TMEM236: variants seen among roughly 807,000 people sequenced by gnomAD.
TMEM236 encodes family with sequence similarity 23, member A.
TMEM236 carries 11 observed loss-of-function variants against 14.7 expected under a neutral mutation model. The observed-to-expected ratio is 0.75, with a 90% CI of 0.47 to 1.24. The LOEUF is 1.24. Ranked by LOEUF, TMEM236 falls within the 50% of genes most tolerant of loss-of-function variation. The pLI, the probability that TMEM236 is intolerant of heterozygous loss-of-function variation, is 0.00. For missense variants in TMEM236, 464 were observed against 427.3 expected (o/e 1.09, Z -0.76); for synonymous variants, 182 against 168.6 (o/e 1.08, Z -0.62).
chr10:17,767,332 G>T (rs1426311240), intron 1 of TMEM236, among the ~76,000 whole-genome samples: 1 of 152,106 alleles, frequency 6.6e-6, no homozygotes, highest in Non-Finnish European at 1.5e-5. Flanking sequence ...GTGGTGGCAT[G>T]TGCCTGTGAT....
chr10:17,753,850 T>C (rs1289168429), intron 1 of TMEM236, among the ~76,000 whole-genome samples: 1 of 152,216 alleles, frequency 6.6e-6, no homozygotes, highest in African/African-American at 2.4e-5. Flanking sequence ...GTTAAACTAA[T>C]TTAGACTCCC....
intron 1 of TMEM236, 46 bp from the exon 2 acceptor site, chr10:17,771,263 C>T (rs782684201): frequency 9.6e-6 from 15 of 1,562,734 alleles, no homozygotes; most frequent in African/African-American, 2.7e-5. Flanking sequence ...GAGGAACTGT[C>T]GATCTTGTCC....
At chr10:17,795,571 T>G (rs1837998137) in intron 3 of TMEM236, among the ~76,000 whole-genome samples, 1 of 152,202 alleles carries the variant, frequency 6.6e-6, no homozygotes, top group African/African-American at 2.4e-5. Context: ...GTTTTTTCAA[T>G]GTGCTACTTC....
chr10:17,756,045 T>C (rs972401818), intron 1 of TMEM236, among the ~76,000 whole-genome samples: 4 of 152,148 alleles, frequency 2.6e-5, no homozygotes, highest in Non-Finnish European at 4.4e-5. Context: ...GGTGGGAGGA[T>C]TGATTGAAGC....
intron 1 of TMEM236, among the ~76,000 whole-genome samples, chr10:17,762,610 T>TAC (rs1564593403): frequency 2.5e-5 from 2 of 78,980 alleles, no homozygotes; most frequent in African/African-American, 1.7e-4. Context: ...TATATATATA[T>TAC]ATATATATAC....
At chr10:17,785,014 T>C (rs1837811069) in intron 3 of TMEM236, among the ~76,000 whole-genome samples, 1 of 152,188 alleles carries the variant, frequency 6.6e-6, no homozygotes, top group Non-Finnish European at 1.5e-5. Flanking sequence ...GTTGAAAAGA[T>C]AGAAGCGTTA....
chr10:17,775,159 T>C (rs1323908097), intron 2 of TMEM236, among the ~76,000 whole-genome samples: 1 of 152,212 alleles, frequency 6.6e-6, no homozygotes, highest in African/African-American at 2.4e-5. Context: ...AGGACAATGT[T>C]GAACAGAAGT....
Position 17,796,612 on chromosome 10 carries a change from G to C in TMEM236, c.*108G>C. On this transcript the variant is annotated 3_prime_UTR_variant, in exon 4 of 4. Coordinates refer to ENST00000377495, the MANE Select transcript of TMEM236 (RefSeq NM_001098844.3). ...GTTTGCACTATAAAGGAAATGACTAGATTGTAGAGAATAAGCCATTTTTAC... is the reference window on the plus strand; with the variant it reads ...GTTTGCACTATAAAGGAAATGACTACATTGTAGAGAATAAGCCATTTTTAC... 2 of 1,002,514 alleles carry C rather than the reference G, an allele frequency of 2.0e-6. No individual in the cohort carries two copies. The highest frequency in any genetic ancestry group is 3.0e-6 in the Non-Finnish European group (2 of 664,820). 62.1% of individuals were successfully genotyped at this position (1,002,514 alleles called of 1,614,324 possible). A position where few individuals can be genotyped will look rare whatever the true frequency, so the allele number is the denominator to read the frequency against.
In TMEM236 at chr10:17,796,283, C is replaced by T. The variant is rs1270327044; in HGVS notation, c.835C>T (p.Arg279Ter). 8.7e-6 allele frequency: 14 copies of T among 1,613,824 alleles called. No individual in the cohort carries two copies. The highest frequency in any genetic ancestry group is 2.7e-5 in the African/African-American group (2 of 74,900). Residue 279 changes from arginine to a stop codon, truncating the protein, a stop_gained, in exon 4 of 4, where the codon CGA becomes TGA. Coordinates refer to ENST00000377495, the MANE Select transcript of TMEM236 (RefSeq NM_001098844.3). LOFTEE classifies it low-confidence loss of function (END_TRUNC). ...VYIFSFISLL[R>*]ITFTPQNPLL... ...CATATTCAGTTTTATTTCTCTCCTT[C>T]GAATTACATTCACTCCCCAAAACCC... is the stretch of plus-strand genomic sequence containing the variant.
intron 1 of TMEM236, among the ~76,000 whole-genome samples, chr10:17,761,347 C>A (rs1274363335): frequency 1.3e-5 from 2 of 152,092 alleles, no homozygotes; most frequent in African/African-American, 2.4e-5. Context: ...CTTCTTTTCT[C>A]CCCCCTGCAT....
At chr10:17,774,944 T>C (rs1837635938) in intron 2 of TMEM236, among the ~76,000 whole-genome samples, 1 of 152,096 alleles carries the variant, frequency 6.6e-6, no homozygotes, top group African/African-American at 2.4e-5. Context: ...ACCACTGGCA[T>C]GTGCCACCAT....
chr10:17,783,346 C>T (rs1436036447), intron 3 of TMEM236, among the ~76,000 whole-genome samples: 1 of 152,024 alleles, frequency 6.6e-6, no homozygotes, highest in Non-Finnish European at 1.5e-5. Flanking sequence ...TAGGGAGAGC[C>T]GCATGGTCAG....
Position 17,752,557 on chromosome 10 carries a change from G to C in TMEM236, c.257+5G>C. On this transcript the variant is annotated splice_donor_5th_base_variant and intron_variant, in intron 1 of 3. Transcript: ENST00000377495. ...TTACAGAAAAATTAAAGGATGGTAA[G>C]TAAAAGAATTTTCTTTTTTTTCTTT... The C allele has an allele frequency of 1.1e-5, 18 of 1,613,054 alleles. No homozygotes were observed. Among genetic ancestry groups the C allele is most frequent in the Non-Finnish European group, 1.5e-5 (18 of 1,179,190 alleles).
At chr10:17,779,427 G>A (rs907785604) in intron 3 of TMEM236, among the ~76,000 whole-genome samples, 65 of 151,880 alleles carry the variant, frequency 4.3e-4, no homozygotes, top group African/African-American at 1.5e-3. Context: ...GTAAAGAAGA[G>A]GACTTTCATC....
rs1463028444 is a variant in TMEM236, at chr10:17,797,393, A to C, written c.*889A>C. 6.6e-6 allele frequency: 1 copy of C among 151,640 alleles called. No individual in the cohort carries two copies. The highest frequency in any genetic ancestry group is 1.5e-5 in the Non-Finnish European group (1 of 68,020). 9.4% of individuals were successfully genotyped at this position (151,640 alleles called of 1,614,324 possible). On this transcript the variant is annotated 3_prime_UTR_variant, in exon 4 of 4. Coordinates refer to ENST00000377495, the MANE Select transcript of TMEM236 (RefSeq NM_001098844.3). ...ACTGCAACCTGTATCTCCCGGGTTC[A>C]AGCGATTCTCCTGCCTCAGCCTCCC...
At chr10:17,795,894 A>C (rs1400440767) in intron 3 of TMEM236, 27 bp from the exon 4 acceptor site, 5 of 1,610,148 alleles carry the variant, frequency 3.1e-6, no homozygotes, top group Non-Finnish European at 3.4e-6. Context: ...TTAAAAACTA[A>C]AATGTAAATA....
intron 3 of TMEM236, among the ~76,000 whole-genome samples, chr10:17,778,946 C>A (rs950864371): frequency 6.6e-5 from 10 of 152,270 alleles, no homozygotes; most frequent in African/African-American, 2.4e-4. Context: ...AATTATCATG[C>A]AACAGCTTCT....
At chr10:17,782,145 C>A (rs1837761386) in intron 3 of TMEM236, among the ~76,000 whole-genome samples, 1 of 152,098 alleles carries the variant, frequency 6.6e-6, no homozygotes, top group Non-Finnish European at 1.5e-5. Context: ...AGTGACCCGT[C>A]TTGGTGGGGT....
chr10:17,799,422 C>A lies in TMEM236; in HGVS notation c.*2918C>A, dbSNP rs1390476847. The A allele has an allele frequency of 4.6e-5, 7 of 152,194 alleles. No individual in the cohort carries two copies. Among genetic ancestry groups the A allele is most frequent in the African/African-American group, 1.7e-4 (7 of 41,420 alleles). The allele number at this position is 152,194 out of a possible 1,614,324, so 9.4% of individuals were successfully genotyped here. ...CTAGCCTGGCCAACATGGTGAAACA[C>A]CGTCTGTACTAAAAATACAAAAATT... On this transcript the variant is annotated 3_prime_UTR_variant, in exon 4 of 4. Transcript: ENST00000377495.
Sources: allele counts gnomAD v4.1 joint callset (sites outside exome capture counted in the v4.1 genomes callset), GRCh38; gene constraint gnomAD v4.1.1; transcripts MANE v1.5; gene names NCBI Gene and HGNC (gene_info 2026-07-23, HGNC 2026-07-21).